Variants in SORL1 observed in about 807,000 individuals in gnomAD.
The protein encoded by SORL1 is sortilin related receptor 1, also known as sortilin-related receptor.
SORL1 carries 127 observed loss-of-function variants against 273.7 expected under a neutral mutation model. The observed-to-expected ratio is 0.46, with a 90% CI of 0.40 to 0.54. The LOEUF (loss-of-function observed/expected upper bound fraction) is 0.54, where lower values mean the gene tolerates loss of function less well. SORL1 is among the 20% of genes least tolerant of loss of function. SORL1 has a pLI of 0.00. For missense variants in SORL1, 2,494 were observed against 2,846.1 expected (o/e 0.88, Z 2.81); for synonymous variants, 1,031 against 1,067.4 (o/e 0.97, Z 0.66).
chr11:121,555,047 T>C, intron 17 of SORL1, 140 bp from the exon 18 acceptor site: 3 of 898,236 alleles, frequency 3.3e-6, no homozygotes, highest in South Asian at 4.8e-5. Flanking sequence ...GCTTCATGTG[T>C]CTGGAAAGTT....
intron 6 of SORL1, among the ~76,000 whole-genome samples, chr11:121,497,508 G>A (rs900770526): frequency 4.6e-5 from 7 of 152,184 alleles, no homozygotes; most frequent in Non-Finnish European, 1.0e-4. Flanking sequence ...TCATTGGCTA[G>A]TGGGAGTTAA....
In SORL1 at chr11:121,621,239, G is replaced by A; in HGVS notation, c.6064+1G>A. 6.2e-7 allele frequency: 1 copy of A among 1,613,516 alleles called. No homozygotes were observed. The highest frequency in any genetic ancestry group is 8.5e-7 in the Non-Finnish European group (1 of 1,179,628). ...GATTCCAGCATAAAAATTACCACAGGTAAGCAGGAGAGAGGTTAGAGGTCT... is the reference window on the plus strand; with the variant it reads ...GATTCCAGCATAAAAATTACCACAGATAAGCAGGAGAGAGGTTAGAGGTCT... On this transcript the variant is annotated splice_donor_variant, in intron 44 of 47. Transcript: ENST00000260197. LOFTEE classifies it high-confidence loss of function.
chr11:121,594,883 G>A (rs1863270648), intron 31 of SORL1, among the ~76,000 whole-genome samples: 1 of 152,188 alleles, frequency 6.6e-6, no homozygotes, highest in South Asian at 2.1e-4. Flanking sequence ...TTACTTCAGG[G>A]TTAGTCTCTG....
chr11:121,457,770 A>T (rs1860931589), intron 1 of SORL1, among the ~76,000 whole-genome samples: 2 of 152,244 alleles, frequency 1.3e-5, no homozygotes, highest in South Asian at 4.1e-4. Flanking sequence ...CCAGGCTTGT[A>T]AGAGCATCAG....
chr11:121,497,976 AT>A (rs1217217331), intron 6 of SORL1, among the ~76,000 whole-genome samples: 2 of 152,134 alleles, frequency 1.3e-5, no homozygotes, highest in African/African-American at 4.8e-5. Context: ...TCTTAGTAGG[AT>A]TTTAGGGTCA....
chr11:121,553,923 T>C lies in SORL1; in HGVS notation c.2267-14T>C. The C allele has an allele frequency of 6.2e-7, 1 of 1,608,640 alleles. No homozygotes were observed. The highest frequency in any genetic ancestry group is 8.5e-7 in the Non-Finnish European group (1 of 1,176,352). On this transcript the variant is annotated splice_polypyrimidine_tract_variant and intron_variant, in intron 16 of 47. Coordinates refer to ENST00000260197, the MANE Select transcript of SORL1 (RefSeq NM_003105.6). ...CCTGGGTCCAACCTCCCACGTGTCT[T>C]GTGTGTCTGGCAGAAGAGAACGAGT...
chr11:121,575,266 G>C (rs536542991), intron 24 of SORL1, among the ~76,000 whole-genome samples: 61 of 152,314 alleles, frequency 4.0e-4, no homozygotes, highest in East Asian at 1.9e-4. Flanking sequence ...GTACCTCCTT[G>C]TCAGTTTCAT....
intron 12 of SORL1, among the ~76,000 whole-genome samples, 192 bp from the exon 13 acceptor site, chr11:121,543,356 G>T (rs552337887): frequency 5.3e-5 from 8 of 152,172 alleles, no homozygotes; most frequent in South Asian, 2.1e-4. Context: ...GCCCCATCAG[G>T]CTGGTTCCTG....
chr11:121,546,457 A>G (rs1423717991), intron 14 of SORL1, among the ~76,000 whole-genome samples: 2 of 152,192 alleles, frequency 1.3e-5, no homozygotes, highest in Non-Finnish European at 2.9e-5. Context: ...GCATGAAATC[A>G]TTGTAGTTTA....
rs1371568742 is a variant in SORL1, at chr11:121,630,535, A to C, written c.*972A>C. ...TTACTACTGAAGGATCTCAGATGTA[A>C]AATTATGTATTTGGTTTGAGATGGC... On this transcript the variant is annotated 3_prime_UTR_variant, in exon 48 of 48. Coordinates refer to ENST00000260197, the MANE Select transcript of SORL1 (RefSeq NM_003105.6). 6.6e-6 allele frequency: 1 copy of C among 152,162 alleles called. No homozygotes were observed. Among genetic ancestry groups the C allele is most frequent in the Non-Finnish European group, 1.5e-5 (1 of 68,036 alleles). The allele number at this position is 152,162 out of a possible 1,614,324, so 9.4% of individuals were successfully genotyped here. A position where few individuals can be genotyped will look rare whatever the true frequency, so the allele number is the denominator to read the frequency against.
intron 40 of SORL1, 122 bp from the exon 41 acceptor site, chr11:121,614,749 C>A: frequency 1.3e-6 from 1 of 744,852 alleles, no homozygotes; most frequent in Non-Finnish European, 2.3e-6. Flanking sequence ...AGTCCTACAG[C>A]ACATGGGACT....
At chr11:121,586,550 C>T (rs966917856) in intron 27 of SORL1, among the ~76,000 whole-genome samples, 2 of 151,840 alleles carry the variant, frequency 1.3e-5, no homozygotes, top group Non-Finnish European at 2.9e-5. Flanking sequence ...GGGTTGGGGG[C>T]GATGGTGGGA....
chr11:121,625,547 C>G (rs1278108149), intron 46 of SORL1, among the ~76,000 whole-genome samples: 1 of 152,170 alleles, frequency 6.6e-6, no homozygotes, highest in Non-Finnish European at 1.5e-5. Context: ...AAGGGAAACT[C>G]TAGGTTCACA....
At chr11:121,537,318 A>C (rs1229717986) in intron 12 of SORL1, among the ~76,000 whole-genome samples, 1 of 152,166 alleles carries the variant, frequency 6.6e-6, no homozygotes, top group African/African-American at 2.4e-5. Flanking sequence ...GCATTATAGA[A>C]TGATGGATCT....
At chr11:121,618,458 T>A (rs1863670671) in intron 41 of SORL1, among the ~76,000 whole-genome samples, 1 of 151,810 alleles carries the variant, frequency 6.6e-6, no homozygotes, top group Non-Finnish European at 1.5e-5. Flanking sequence ...ATCATGTGGG[T>A]TTCTGGTGTA....
chr11:121,513,764 A>G (rs1471308149), intron 7 of SORL1, among the ~76,000 whole-genome samples: 2 of 152,178 alleles, frequency 1.3e-5, no homozygotes, highest in African/African-American at 2.4e-5. Flanking sequence ...GCTAGTTTCT[A>G]TGGATTCTGC....
intron 2 of SORL1, among the ~76,000 whole-genome samples, chr11:121,471,351 A>C (rs1032687502): frequency 1.3e-5 from 2 of 152,216 alleles, no homozygotes; most frequent in African/African-American, 4.8e-5. Context: ...ACAAGTTGGC[A>C]GCCAGTGTAT....
At chr11:121,495,262 T>A (rs952066458) in intron 5 of SORL1, among the ~76,000 whole-genome samples, 9 of 152,076 alleles carry the variant, frequency 5.9e-5, no homozygotes, top group Non-Finnish European at 1.3e-4. Flanking sequence ...TTAAATTTAT[T>A]TTTTGTAGAG....
At chr11:121,460,383 T>C (rs1860977847) in intron 1 of SORL1, among the ~76,000 whole-genome samples, 2 of 144,878 alleles carry the variant, frequency 1.4e-5, no homozygotes, top group Non-Finnish European at 3.0e-5. Context: ...TGAGGTGTAG[T>C]GTCATGATGA....
Sources: allele counts gnomAD v4.1 joint callset (sites outside exome capture counted in the v4.1 genomes callset), GRCh38; gene constraint gnomAD v4.1.1; transcripts MANE v1.5; gene names NCBI Gene and HGNC (gene_info 2026-07-23, HGNC 2026-07-21).